The following HVCN1 variants were observed in gnomAD, a reference collection of about 807,000 sequenced individuals.
HVCN1 encodes the protein hydrogen voltage gated channel 1.
HVCN1 carries 14 observed loss-of-function variants against 29.2 expected under a neutral mutation model. That is an observed-to-expected ratio of 0.48 (90% CI 0.32 to 0.75). The LOEUF (loss-of-function observed/expected upper bound fraction) is 0.75. HVCN1 is among the 30% of genes least tolerant of loss of function. The pLI is 0.04. For missense variants in HVCN1, 263 were observed against 341.8 expected (o/e 0.77, Z 1.82); for synonymous variants, 131 against 133.2 (o/e 0.98, Z 0.11).
chr12:110,663,315 C>T (rs1223187142), intron 3 of HVCN1, among the ~76,000 whole-genome samples: 1 of 151,954 alleles, frequency 6.6e-6, no homozygotes, highest in Non-Finnish European at 1.5e-5. Context: ...AAATATTCAC[C>T]TAGTTGGGCA....
intron 3 of HVCN1, among the ~76,000 whole-genome samples, chr12:110,662,891 A>G (rs1201377557): frequency 6.6e-6 from 1 of 152,218 alleles, no homozygotes; most frequent in Non-Finnish European, 1.5e-5. Flanking sequence ...TATATAAAGA[A>G]ATCTTATAAA....
chr12:110,653,673 C>G (rs1182727520), intron 5 of HVCN1, among the ~76,000 whole-genome samples: 1 of 151,940 alleles, frequency 6.6e-6, no homozygotes, highest in African/African-American at 2.4e-5. Flanking sequence ...GAAATCTCAT[C>G]TCTACTAAAA....
At chr12:110,698,113 A>G (rs1300109656) in intron 2 of HVCN1, among the ~76,000 whole-genome samples, 1 of 152,082 alleles carries the variant, frequency 6.6e-6, no homozygotes, top group Non-Finnish European at 1.5e-5. Context: ...GGGTGCTGCT[A>G]CTGTTCGTGG....
intron 2 of HVCN1, among the ~76,000 whole-genome samples, chr12:110,701,029 G>A (rs1313579069): frequency 6.6e-6 from 1 of 152,196 alleles, no homozygotes; most frequent in African/African-American, 2.4e-5. Flanking sequence ...GGGAAGGCCC[G>A]CCTGGAAGTT....
At chr12:110,695,147 G>T (rs976953334) in intron 2 of HVCN1, among the ~76,000 whole-genome samples, 1 of 152,148 alleles carries the variant, frequency 6.6e-6, no homozygotes, top group Non-Finnish European at 1.5e-5. Flanking sequence ...GGGGGCTCAC[G>T]CCTGCAATCC....
At chr12:110,691,347 G>A (rs941661922), upstream of HVCN1, among the ~76,000 whole-genome samples, 1 of 152,246 alleles carries the variant, frequency 6.6e-6, no homozygotes, top group Admixed American at 6.5e-5. Flanking sequence ...ACAGGCGTGA[G>A]CCACCGCGTC....
At chr12:110,690,005 T>G (rs923257110), upstream of HVCN1, among the ~76,000 whole-genome samples, 5 of 152,204 alleles carry the variant, frequency 3.3e-5, no homozygotes, top group Non-Finnish European at 5.9e-5. Context: ...ATGCCGCTGT[T>G]AACAGATCAC....
At chr12:110,674,806 G>A (rs141539286) in intron 3 of HVCN1, among the ~76,000 whole-genome samples, 3,319 of 152,216 alleles carry the variant, frequency 0.022, 122 homozygotes, top group African/African-American at 0.075. Context: ...CCTGTCTCAG[G>A]TATGTCTTTA....
chr12:110,651,246 C>T lies in HVCN1; in HGVS notation c.614G>A (p.Arg205Gln), dbSNP rs1301354729. The change falls in exon 6 of 8, where the codon CGG (arginine) becomes CAG (glutamine). Residue 205 changes from arginine (R) to glutamine (Q), a missense_variant. By Grantham distance (43) the Arg-to-Gln change is conservative (BLOSUM62 1). Around this residue, in one of 3 missense-constraint regions of HVCN1, gnomAD observed 55 missense variants for 109.4 expected, o/e 0.50. Coordinates refer to ENST00000242607, the MANE Select transcript of HVCN1 (RefSeq NM_032369.4). ...GATGATCCGGGCCACCCGCCACAGC[C>T]GGAGCAGAATCAGCAGGCCCAGAGC... ...FEALGLLILL[R>Q]LWRVARIING... is the part of the protein sequence containing the mutation. 5.0e-6 allele frequency: 8 copies of T among 1,613,728 alleles called. No individual in the cohort carries two copies. Among genetic ancestry groups the T allele is most frequent in the Non-Finnish European group, 6.8e-6 (8 of 1,179,882 alleles).
At chr12:110,685,038 C>T (rs932986604) in intron 2 of HVCN1, among the ~76,000 whole-genome samples, 3 of 152,206 alleles carry the variant, frequency 2.0e-5, no homozygotes, top group Non-Finnish European at 4.4e-5. Context: ...TTCAAAGATG[C>T]ACATACCCTA....
intron 2 of HVCN1, among the ~76,000 whole-genome samples, chr12:110,686,256 A>G (rs760280509): frequency 3.3e-5 from 5 of 152,134 alleles, no homozygotes; most frequent in Non-Finnish European, 5.9e-5. Flanking sequence ...CCGTTGCCTC[A>G]GCCTCCTAAA....
At chr12:110,665,605 A>C in intron 3 of HVCN1, among the ~76,000 whole-genome samples, 1 of 152,128 alleles carries the variant, frequency 6.6e-6, no homozygotes, top group East Asian at 1.9e-4. Context: ...GAACTGGCCA[A>C]GAAAGACTTG....
intron 1 of HVCN1, among the ~76,000 whole-genome samples, chr12:110,704,179 A>G (rs1324994954): frequency 6.6e-6 from 1 of 152,086 alleles, no homozygotes; most frequent in Non-Finnish European, 1.5e-5. Flanking sequence ...AAACAACCTA[A>G]AAGTCCGTCC....
At chr12:110,686,156 G>A (rs1017357050) in intron 2 of HVCN1, among the ~76,000 whole-genome samples, 1 of 151,608 alleles carries the variant, frequency 6.6e-6, no homozygotes, top group African/African-American at 2.4e-5. Flanking sequence ...CCACCACCAC[G>A]CCCAGCTAAA....
chr12:110,663,368 T>G (rs1194708207), intron 3 of HVCN1, among the ~76,000 whole-genome samples: 1 of 151,624 alleles, frequency 6.6e-6, no homozygotes, highest in Non-Finnish European at 1.5e-5. Flanking sequence ...TTTGGGAGGC[T>G]GAGGTGGGAG....
upstream of HVCN1, among the ~76,000 whole-genome samples, chr12:110,694,518 G>C (rs2069460282): frequency 6.6e-6 from 1 of 152,240 alleles, no homozygotes; most frequent in Non-Finnish European, 1.5e-5. This position sits in a 1 kb window ranked among gnomAD's most constrained non-coding sequence, Gnocchi z 4.6. Context: ...GTTCCTCCAA[G>C]GCAGTTATCA....
chr12:110,679,715 C>T (rs1199384124), intron 3 of HVCN1, among the ~76,000 whole-genome samples: 10 of 152,126 alleles, frequency 6.6e-5, no homozygotes, highest in Middle Eastern at 6.8e-3. Flanking sequence ...TAGCTGGGCG[C>T]GGTGGCGGGC....
In HVCN1 at chr12:110,661,187, G is replaced by T. The variant is rs1227815244; in HGVS notation, c.283C>A (p.Leu95Met). The part of the protein sequence containing the change: ...PLDFRGMLRK[L>M]FSSHRFQVII... ...ACCTGAAACCTGTGGGAGCTGAACA[G>T]TTTCCTCAACATGCCCCTGAAGTCA... The change falls in exon 4 of 8, where the codon CTG becomes ATG. Residue 95 changes from leucine (L) to methionine (M), a missense_variant. Around this residue, in one of 3 missense-constraint regions of HVCN1, gnomAD observed 157 missense variants for 181.3 expected, o/e 0.87. Coordinates refer to ENST00000242607, the MANE Select transcript of HVCN1 (RefSeq NM_032369.4). This position sits in a 1 kb window ranked among gnomAD's most constrained non-coding sequence, Gnocchi z 6.2. The T allele has an allele frequency of 6.2e-7, 1 of 1,610,670 alleles. No homozygotes were observed. The highest frequency in any genetic ancestry group is 1.3e-5 in the African/African-American group (1 of 74,860).
At chr12:110,678,307 A>T (rs2068815294) in intron 3 of HVCN1, among the ~76,000 whole-genome samples, 1 of 152,160 alleles carries the variant, frequency 6.6e-6, no homozygotes, top group Non-Finnish European at 1.5e-5. Context: ...GGGAGTTTGG[A>T]GCGGTGTTTC....
Sources: gnomAD v4.1 joint callset for allele counts (sites outside exome capture counted in the v4.1 genomes callset) on GRCh38, gnomAD v4.1.1 for gene constraint, gnomAD v4.1.1 regional missense constraint, Gnocchi (gnomAD v3.1) non-coding constraint, MANE v1.5 for transcripts, NCBI Gene and HGNC (gene_info 2026-07-23, HGNC 2026-07-21) for gene names.